The following DUS2 variants were observed in gnomAD, a reference collection of about 807,000 sequenced individuals.
The protein encoded by DUS2 is tRNA-dihydrouridine(20) synthase [NAD(P)+]-like.
Under a neutral mutation model 71.3 loss-of-function variants are expected in DUS2, and 52 were observed. The observed-to-expected ratio is 0.73, with a 90% CI of 0.58 to 0.92. DUS2 has a LOEUF of 0.92. Ranked by LOEUF, DUS2 falls within the 40% of genes least tolerant of loss-of-function variation. DUS2 has a pLI of 0.00. For missense variants in DUS2, 558 were observed against 622.6 expected (o/e 0.90, Z 1.10); for synonymous variants, 204 against 227.8 (o/e 0.90, Z 0.94).
In DUS2 at chr16:68,076,698, G is replaced by C. The variant is rs1232442632; in HGVS notation, c.1149G>C (p.Leu383Phe). The change falls in exon 15 of 17, where the codon TTG (leucine) becomes TTC (phenylalanine). Residue 383 changes from leucine (L) to phenylalanine (F), a missense_variant. Leu to Phe is a conservative substitution (Grantham distance 22). Coordinates refer to ENST00000565263, the MANE Select transcript of DUS2 (RefSeq NM_017803.5). The stretch of plus-strand genomic sequence containing the variant: ...TAGAGTGGTGCCGGAGGGAGAAGTT[G>C]GCACAGCCTGTGTATGAAACGGTGA... ...CLLEWCRREK[L>F]AQPVYETVQR... 3 of 1,613,998 alleles carry C rather than the reference G, an allele frequency of 1.9e-6. No individual in the cohort carries two copies. Among genetic ancestry groups the C allele is most frequent in the Non-Finnish European group, 1.7e-6 (2 of 1,179,914 alleles).
intron 2 of DUS2, among the ~76,000 whole-genome samples, chr16:68,037,750 A>G (rs1325919381): frequency 6.6e-6 from 1 of 152,098 alleles, no homozygotes; most frequent in Admixed American, 6.6e-5. Context: ...AAATACAAAA[A>G]TTAGCCGGTC....
chr16:68,077,127 G>A lies in DUS2; in HGVS notation c.1170+408G>A, dbSNP rs139115519. Among the ~76,000 whole-genome samples the A allele has an allele frequency of 5.5e-3, 842 of 151,896 alleles. 8 individuals carry two copies. Among genetic ancestry groups the A allele is most frequent in the South Asian group, 0.013 (62 of 4,804 alleles). On this transcript the variant is annotated intron_variant, in intron 15 of 16. Transcript: ENST00000565263. ...AAATTAGCTGGACATGGTGGTGGGC[G>A]CCTGTAATCCCAGCTACTTGGGAGG...
At chr16:68,046,169 T>C (rs1268277462) in intron 3 of DUS2, among the ~76,000 whole-genome samples, 3 of 152,230 alleles carry the variant, frequency 2.0e-5, no homozygotes, top group African/African-American at 7.2e-5. Context: ...TAATACCCAA[T>C]AGGATCTTTT....
intron 12 of DUS2, among the ~76,000 whole-genome samples, chr16:68,071,768 G>C (rs1184581658): frequency 1.3e-5 from 2 of 151,668 alleles, no homozygotes; most frequent in African/African-American, 4.8e-5. Context: ...CTCCCAAGTA[G>C]TTGGGACTAC....
At chr16:68,060,693 A>T (rs951871688) in intron 7 of DUS2, among the ~76,000 whole-genome samples, 7 of 152,078 alleles carry the variant, frequency 4.6e-5, no homozygotes, top group Non-Finnish European at 1.0e-4. Flanking sequence ...AAAATATATT[A>T]AAAAATTAGC....
intron 2 of DUS2, among the ~76,000 whole-genome samples, chr16:68,035,387 T>G (rs950323035): frequency 4.0e-5 from 6 of 148,622 alleles, no homozygotes; most frequent in Middle Eastern, 6.9e-3. Flanking sequence ...GACTCTGTGT[T>G]TTCCTTTTTT....
intron 8 of DUS2, among the ~76,000 whole-genome samples, chr16:68,063,079 C>T (rs1222435948): frequency 6.6e-6 from 1 of 152,222 alleles, no homozygotes; most frequent in Non-Finnish European, 1.5e-5. Context: ...GCTCTGTCCT[C>T]TCTACTGCCC....
chr16:68,034,287 A>T (rs1394572009), intron 2 of DUS2, among the ~76,000 whole-genome samples: 2 of 151,458 alleles, frequency 1.3e-5, no homozygotes, highest in Non-Finnish European at 2.9e-5. Flanking sequence ...CTAATCTCCA[A>T]CTCCAAGCTG....
At chr16:68,076,412 A>G (rs1277487233) in intron 14 of DUS2, among the ~76,000 whole-genome samples, 1 of 152,160 alleles carries the variant, frequency 6.6e-6, no homozygotes, top group African/African-American at 2.4e-5. Flanking sequence ...TTTCTTGAGC[A>G]TGCCAAAATT....
Position 68,038,137 on chromosome 16 carries a change from T to G in DUS2, c.114T>G (p.Ile38Met). 1 of 1,613,910 alleles carries G rather than the reference T, an allele frequency of 6.2e-7. No individual in the cohort carries two copies. The highest frequency in any genetic ancestry group is 1.1e-5 in the South Asian group (1 of 91,068). ...RLLALDYGAD[I>M]VYCEELIDLK... Reference sequence around the variant, plus strand: ...TGGCCCTGGATTATGGAGCGGACATTGTTTACTGTGAGGTAAGGGGCTCTG... The same window carrying G: ...TGGCCCTGGATTATGGAGCGGACATGGTTTACTGTGAGGTAAGGGGCTCTG... Residue 38 changes from isoleucine to methionine, a missense_variant, in exon 3 of 17, where the codon ATT becomes ATG. Coordinates refer to ENST00000565263, the MANE Select transcript of DUS2 (RefSeq NM_017803.5).
At chr16:68,062,091 A>C (rs1471298238) in intron 8 of DUS2, among the ~76,000 whole-genome samples, 1 of 152,014 alleles carries the variant, frequency 6.6e-6, no homozygotes, top group Non-Finnish European at 1.5e-5. Flanking sequence ...GCTCACTGCA[A>C]CCTCTGCCTC....
chr16:68,039,861 A>G (rs2151414452), intron 3 of DUS2, among the ~76,000 whole-genome samples: 1 of 152,262 alleles, frequency 6.6e-6, no homozygotes, highest in South Asian at 2.1e-4. Flanking sequence ...AATGAATAGC[A>G]GATGAGGGAA....
chr16:68,053,508 T>A lies in DUS2; in HGVS notation c.173-56T>A. On this transcript the variant is annotated intron_variant, in intron 4 of 16. Coordinates refer to ENST00000565263, the MANE Select transcript of DUS2 (RefSeq NM_017803.5). ...CTGTGTTTTCTTCCAGGGCTTAGGC[T>A]AGCGTTGAACTTGCATCTTCATTGA... 9 of 1,546,602 alleles carry A rather than the reference T, an allele frequency of 5.8e-6. No individual in the cohort carries two copies. The South Asian group carries it at 1.0e-4, about 17-fold the overall frequency.
chr16:68,054,683 C>T (rs1330218165), intron 6 of DUS2, 66 bp downstream of exon 6: 5 of 1,583,938 alleles, frequency 3.2e-6, no homozygotes, highest in Non-Finnish European at 2.6e-6. Context: ...GTTTAATGTC[C>T]TGGTGACTTT....
At chr16:68,051,236 G>A (rs563130323) in intron 4 of DUS2, among the ~76,000 whole-genome samples, 2 of 152,122 alleles carry the variant, frequency 1.3e-5, no homozygotes, top group East Asian at 1.9e-4. Flanking sequence ...ATTATGCACC[G>A]TTGTTGTTTC....
chr16:68,028,133 G>A (rs940527257), intron 2 of DUS2, among the ~76,000 whole-genome samples: 3 of 152,144 alleles, frequency 2.0e-5, no homozygotes, highest in Non-Finnish European at 2.9e-5. Flanking sequence ...CCCTTTGGCT[G>A]GAAGGAGCAT....
rs1236490751 is a variant in DUS2, at chr16:68,076,573, G to A, written c.1083-59G>A. ...CCTTTCAGGAGCTGAGTAGTGCCCT[G>A]GCTGAGGGAGGGAGCGGTGATGGTG... is the stretch of plus-strand genomic sequence containing the variant. On this transcript the variant is annotated intron_variant, in intron 14 of 16. Transcript: ENST00000565263. 51 of 1,346,496 alleles carry A rather than the reference G, an allele frequency of 3.8e-5. 2 individuals carry two copies. In the Admixed American group the frequency reaches 8.8e-4, roughly 23 times the overall value. The allele number at this position is 1,346,496 out of a possible 1,614,324, so 83.4% of individuals were successfully genotyped here.
At chr16:68,038,872 G>C (rs918462452) in intron 3 of DUS2, among the ~76,000 whole-genome samples, 1 of 151,274 alleles carries the variant, frequency 6.6e-6, no homozygotes, top group African/African-American at 2.4e-5. Flanking sequence ...AATATAGTGA[G>C]ACTCTATCTC....
At chr16:68,067,635 C>T (rs968196742) in intron 10 of DUS2, among the ~76,000 whole-genome samples, 2 of 151,700 alleles carry the variant, frequency 1.3e-5, no homozygotes, top group African/African-American at 4.8e-5. Context: ...TAATCCCAGA[C>T]AGACTGCTTT....
Sources: gnomAD v4.1 joint callset for allele counts (sites outside exome capture counted in the v4.1 genomes callset) on GRCh38, gnomAD v4.1.1 for gene constraint, MANE v1.5 for transcripts, NCBI Gene and HGNC (gene_info 2026-07-23, HGNC 2026-07-21) for gene names.